Variants in KIF13A observed in about 807,000 individuals in gnomAD.
KIF13A encodes kinesin-like protein KIF13A.
KIF13A carries 79 observed loss-of-function variants against 212.2 expected under a neutral mutation model. That is an observed-to-expected ratio of 0.37 (90% CI 0.31 to 0.45). The LOEUF (loss-of-function observed/expected upper bound fraction) is 0.45. Among genes scored for constraint, KIF13A ranks in the 20% least tolerant of loss-of-function variants. The probability of loss-of-function intolerance (pLI) is 1.00; values close to 1 mark genes in which losing one functional copy is unlikely to be tolerated. For synonymous variants in KIF13A, 789 were observed against 808.6 expected (o/e 0.98, Z 0.41); for missense variants, 1,901 against 2,209.0 (o/e 0.86, Z 2.79).
At position 17,786,441 on chromosome 6, in the gene KIF13A, A is replaced by G. The variant is rs1262283076; in HGVS notation, c.3362-800T>C. ...TGGTAAAACCCTGTCTCCACTAAAA[A>G]TACAAAAATTAGCCAGGCGTGGTGG... On this transcript the variant is annotated intron_variant, in intron 27 of 38. Coordinates refer to ENST00000259711, the MANE Select transcript of KIF13A (RefSeq NM_022113.6). The surrounding 1 kb of genome is among the most constrained non-coding windows in gnomAD (Gnocchi z 5.4). Among the ~76,000 whole-genome samples the G allele has an allele frequency of 6.6e-6, 1 of 151,996 alleles. No homozygotes were observed. The highest frequency in any genetic ancestry group is 1.5e-5 in the Non-Finnish European group (1 of 68,000).
chr6:17,865,531 G>A (rs981834180), intron 4 of KIF13A, among the ~76,000 whole-genome samples: 4 of 152,184 alleles, frequency 2.6e-5, no homozygotes, highest in Non-Finnish European at 1.5e-5. Context: ...ACCTGAAGGG[G>A]TGAAGAATGC....
intron 4 of KIF13A, among the ~76,000 whole-genome samples, chr6:17,863,287 A>G (rs1769010882): frequency 6.6e-6 from 1 of 152,040 alleles, no homozygotes; most frequent in Non-Finnish European, 1.5e-5. Flanking sequence ...TTGTGTGTGC[A>G]TGGACATGAT....
At chr6:17,896,435 T>A (rs772270312) in intron 3 of KIF13A, among the ~76,000 whole-genome samples, 14 of 152,208 alleles carry the variant, frequency 9.2e-5, no homozygotes, top group Admixed American at 7.2e-4. Flanking sequence ...CTTTCCCTTT[T>A]CCACTTTCTT....
chr6:17,814,970 C>T (rs531513376), intron 17 of KIF13A, among the ~76,000 whole-genome samples: 13 of 152,218 alleles, frequency 8.5e-5, no homozygotes, highest in East Asian at 5.8e-4. Flanking sequence ...ACCACCTAGA[C>T]GCAGAGACCG....
chr6:17,784,499 TC>T (rs1364064985), intron 28 of KIF13A, among the ~76,000 whole-genome samples: 17 of 151,830 alleles, frequency 1.1e-4, no homozygotes, highest in African/African-American at 4.1e-4. Flanking sequence ...AAGTGAAGAG[TC>T]CCTTTAGAAA....
rs1405222800 is a variant in KIF13A, at chr6:17,829,167, G to A, written c.1402-797C>T. Among the ~76,000 whole-genome samples, 6 of 152,168 alleles carry A rather than the reference G, an allele frequency of 3.9e-5. No individual in the cohort carries two copies. Among genetic ancestry groups the A allele is most frequent in the Admixed American group, 3.9e-4 (6 of 15,278 alleles). On this transcript the variant is annotated intron_variant, in intron 13 of 38. Transcript: ENST00000259711. This position sits in a 1 kb window ranked among gnomAD's most constrained non-coding sequence, Gnocchi z 5.4. ...TCACCATGTTCGCCAGCCTGGTCTT[G>A]AACTCCTGGCCTCAAGTGATCCGCC...
At chr6:17,940,233 T>G (rs1776842774) in intron 2 of KIF13A, among the ~76,000 whole-genome samples, 1 of 151,992 alleles carries the variant, frequency 6.6e-6, no homozygotes, top group African/African-American at 2.4e-5. Flanking sequence ...TGAAGGTACA[T>G]CAGCACAATG....
rs565597769 is a variant in KIF13A, at chr6:17,773,446, G to A, written c.4324+32C>T. Reference sequence around the variant, plus strand: ...CATACTTTTTCTAAGTAATTACAAAGAAATATCACTGCAAAATAATCTCAC... The same window carrying A: ...CATACTTTTTCTAAGTAATTACAAAAAAATATCACTGCAAAATAATCTCAC... On this transcript the variant is annotated intron_variant, in intron 36 of 38. Coordinates refer to ENST00000259711, the MANE Select transcript of KIF13A (RefSeq NM_022113.6). The surrounding 1 kb of genome is among the most constrained non-coding windows in gnomAD (Gnocchi z 4.2). 4 of 1,270,702 alleles carry A rather than the reference G, an allele frequency of 3.1e-6. No individual in the cohort carries two copies. In the South Asian group the frequency reaches 3.7e-5, roughly 12 times the overall value. 78.7% of individuals were successfully genotyped at this position (1,270,702 alleles called of 1,614,324 possible).
At chr6:17,832,064 G>A (rs1022449148) in intron 12 of KIF13A, among the ~76,000 whole-genome samples, 16 of 152,276 alleles carry the variant, frequency 1.1e-4, no homozygotes, top group Admixed American at 9.8e-4. Flanking sequence ...TGAGTGAGGT[G>A]TAGGGGTATG....
Position 17,783,739 on chromosome 6 carries a change from G to A in KIF13A, c.3489-38C>T. ...ACAACATTTAATCATAACAAAATATGTATTTTACATCTTGTTAGCTGATAA... is the reference window on the plus strand; with the variant it reads ...ACAACATTTAATCATAACAAAATATATATTTTACATCTTGTTAGCTGATAA... On this transcript the variant is annotated intron_variant, in intron 28 of 38. Transcript: ENST00000259711. The surrounding 1 kb of genome is among the most constrained non-coding windows in gnomAD (Gnocchi z 4.3). 4 of 1,323,180 alleles carry A rather than the reference G, an allele frequency of 3.0e-6. No homozygotes were observed. Among genetic ancestry groups the A allele is most frequent in the Non-Finnish European group, 4.3e-6 (4 of 938,108 alleles). 82.0% of individuals were successfully genotyped at this position (1,323,180 alleles called of 1,614,324 possible). A position where few individuals can be genotyped will look rare whatever the true frequency, so the allele number is the denominator to read the frequency against.
rs1008418728 is a variant in KIF13A, at chr6:17,919,126, C to G, written c.147-20946G>C. ...GGTGATGTTTCCCTGAATAACTCCA[C>G]TCTTTGGATTGAAGACCAAGTAAAC... On this transcript the variant is annotated intron_variant, in intron 2 of 38. Transcript: ENST00000259711. The surrounding 1 kb of genome is among the most constrained non-coding windows in gnomAD (Gnocchi z 4.1). Among the ~76,000 whole-genome samples, 1 of 152,178 alleles carries G rather than the reference C, an allele frequency of 6.6e-6. No individual in the cohort carries two copies. Among genetic ancestry groups the G allele is most frequent in the African/African-American group, 2.4e-5 (1 of 41,440 alleles).
At chr6:17,930,868 A>G (rs1193098954) in intron 2 of KIF13A, among the ~76,000 whole-genome samples, 1 of 152,204 alleles carries the variant, frequency 6.6e-6, no homozygotes, top group Non-Finnish European at 1.5e-5. Context: ...CGGTTTACAC[A>G]AGGGGTTAAG....
chr6:17,800,432 T>C (rs184667655), intron 20 of KIF13A, among the ~76,000 whole-genome samples: 145 of 151,162 alleles, frequency 9.6e-4, no homozygotes, highest in African/African-American at 3.3e-3. Flanking sequence ...TCATCTAGTA[T>C]CCATGTTTTG....
intron 2 of KIF13A, among the ~76,000 whole-genome samples, chr6:17,974,798 T>A (rs979009339): frequency 6.6e-6 from 1 of 152,220 alleles, no homozygotes; most frequent in Non-Finnish European, 1.5e-5. Flanking sequence ...AAAGTCCACA[T>A]CCATGTTGCT....
At chr6:17,938,856 T>C (rs1404529332) in intron 2 of KIF13A, among the ~76,000 whole-genome samples, 2 of 151,598 alleles carry the variant, frequency 1.3e-5, no homozygotes, top group Non-Finnish European at 2.9e-5. Flanking sequence ...AACGAAAAAG[T>C]TGTGTTGTTA....
intron 2 of KIF13A, among the ~76,000 whole-genome samples, chr6:17,920,680 C>G (rs1774983863): frequency 6.6e-6 from 1 of 151,972 alleles, no homozygotes; most frequent in Non-Finnish European, 1.5e-5. Flanking sequence ...TCGAGACCAG[C>G]CTGGCCATCA....
At position 17,834,424 on chromosome 6, in the gene KIF13A, G is replaced by A. The variant is rs868453517; in HGVS notation, c.1156-353C>T. Among the ~76,000 whole-genome samples, 56 of 152,334 alleles carry A rather than the reference G, an allele frequency of 3.7e-4. No individual in the cohort carries two copies. The highest frequency in any genetic ancestry group is 1.3e-3 in the African/African-American group (54 of 41,580). On this transcript the variant is annotated intron_variant, in intron 11 of 38. Transcript: ENST00000259711. The surrounding 1 kb of genome is among the most constrained non-coding windows in gnomAD (Gnocchi z 4.0). ...AGCAGACTTCTTTTTCAATAAGACG[G>A]AGGTTAACACTCATCATCAATAAAT...
chr6:17,803,425 C>A (rs961813844), intron 20 of KIF13A, among the ~76,000 whole-genome samples: 1 of 152,124 alleles, frequency 6.6e-6, no homozygotes, highest in Non-Finnish European at 1.5e-5. Context: ...CACCCCACAA[C>A]TGGGAACCCG....
At chr6:17,782,727 C>T (rs937319862) in intron 29 of KIF13A, among the ~76,000 whole-genome samples, 1 of 152,100 alleles carries the variant, frequency 6.6e-6, no homozygotes, top group African/African-American at 2.4e-5. Flanking sequence ...GGTTTGTTGT[C>T]CTACTTAATA....
Sources: allele counts gnomAD v4.1 joint callset (sites outside exome capture counted in the v4.1 genomes callset), GRCh38; gene constraint gnomAD v4.1.1; non-coding constraint Gnocchi (gnomAD v3.1); transcripts MANE v1.5; gene names NCBI Gene and HGNC (gene_info 2026-07-23, HGNC 2026-07-21).